The following AKAP8 variants were observed in gnomAD, a reference collection of about 807,000 sequenced individuals.
AKAP8 encodes A-kinase anchoring protein 8, also known as A-kinase anchor protein 8.
AKAP8 carries 24 observed loss-of-function variants against 67.5 expected under a neutral mutation model. The observed-to-expected ratio is 0.36, with a 90% CI of 0.26 to 0.50. The LOEUF (loss-of-function observed/expected upper bound fraction) is 0.50, where lower values mean the gene tolerates loss of function less well. Among genes scored for constraint, AKAP8 ranks in the 20% least tolerant of loss-of-function variants. The pLI is 0.97. For synonymous variants in AKAP8, 400 were observed against 371.1 expected (o/e 1.08, Z -0.90); for missense variants, 971 against 955.9 (o/e 1.02, Z -0.21).
chr19:15,358,829 T>C, intron 13 of AKAP8, 138 bp downstream of exon 13: 1 of 767,378 alleles, frequency 1.3e-6, no homozygotes, highest in South Asian at 1.5e-5. Flanking sequence ...GTTCCTGAGC[T>C]TGATGCATTC....
At chr19:15,372,701 G>C (rs1004738682) in intron 5 of AKAP8, 150 bp downstream of exon 5, 3 of 1,170,860 alleles carry the variant, frequency 2.6e-6, no homozygotes, top group Non-Finnish European at 3.4e-6. Flanking sequence ...TGTGATGGTG[G>C]GGATGGTTGC....
At chr19:15,361,224 T>C (rs1297432918) in intron 11 of AKAP8, among the ~76,000 whole-genome samples, 3 of 151,326 alleles carry the variant, frequency 2.0e-5, no homozygotes, top group Non-Finnish European at 4.4e-5. Context: ...AAGTGCTTAA[T>C]GTCACTGATA....
At chr19:15,368,173 T>C in intron 9 of AKAP8, 62 bp downstream of exon 9, 2 of 1,594,518 alleles carry the variant, frequency 1.3e-6, no homozygotes, top group Non-Finnish European at 1.7e-6. Flanking sequence ...ACAGGTGAGC[T>C]CGGCAGCGCC....
intron 2 of AKAP8, 130 bp downstream of exon 2, chr19:15,376,846 T>A (rs1018234477): frequency 1.4e-5 from 14 of 1,022,012 alleles, no homozygotes; most frequent in Non-Finnish European, 1.5e-6. Flanking sequence ...ATATTCACTA[T>A]CTGATCTTTT....
At position 15,364,922 on chromosome 19, in the gene AKAP8, G is replaced by C. The variant is rs536885535; in HGVS notation, c.1161-2671C>G. 6.4e-4 allele frequency among the ~76,000 whole-genome samples: 97 copies of C among 152,340 alleles called. 1 individual carries two copies. In the South Asian group the frequency reaches 0.019, roughly 30 times the overall value. On this transcript the variant is annotated intron_variant, in intron 9 of 13. Coordinates refer to ENST00000269701, the MANE Select transcript of AKAP8 (RefSeq NM_005858.4). Reference sequence around the variant, plus strand: ...GTGCATGCCACCGCACTCAGCCAGGGAAAGTGGCTGCTGAACCAAGAGTTC... The same window carrying C: ...GTGCATGCCACCGCACTCAGCCAGGCAAAGTGGCTGCTGAACCAAGAGTTC...
Position 15,373,919 on chromosome 19 carries a change from A to G in AKAP8, c.238T>C (p.Tyr80His). ...TTGTCGGTGCATGGCTCTGGGCCGT[A>G]AGAGGCCATGTGCATGGCAGGGGCC... ...AGAPAMHMAS[Y>H]GPEPCTDNSD... Residue 80 changes from tyrosine to histidine, a missense_variant, in exon 4 of 14, where the codon TAC becomes CAC. Coordinates refer to ENST00000269701, the MANE Select transcript of AKAP8 (RefSeq NM_005858.4). 1 of 1,613,866 alleles carries G rather than the reference A, an allele frequency of 6.2e-7. No individual in the cohort carries two copies. Among genetic ancestry groups the G allele is most frequent in the Non-Finnish European group, 8.5e-7 (1 of 1,179,948 alleles).
intron 1 of AKAP8, 60 bp from the exon 2 acceptor site, chr19:15,377,074 G>C: frequency 6.4e-7 from 1 of 1,572,346 alleles, no homozygotes; most frequent in Non-Finnish European, 8.7e-7. Flanking sequence ...GGGTCCTTTT[G>C]GGGGTACTCC....
intron 9 of AKAP8, 118 bp from the exon 10 acceptor site, chr19:15,362,369 C>T: frequency 2.1e-6 from 2 of 946,790 alleles, no homozygotes; most frequent in Non-Finnish European, 3.1e-6. Context: ...CTCTCCCCCT[C>T]CCCCTCTCCC....
intron 9 of AKAP8, among the ~76,000 whole-genome samples, chr19:15,364,541 T>C (rs1374445944): frequency 1.3e-5 from 2 of 152,052 alleles, no homozygotes; most frequent in Non-Finnish European, 2.9e-5. Context: ...AGTAGAGACG[T>C]GGTTTCACCA....
rs1416442875 is a variant in AKAP8 at position 15,364,117 on chromosome 19, A to AAAAAAAG, written c.1161-1867_1161-1866insCTTTTTT. On this transcript the variant is annotated intron_variant, in intron 9 of 13. Transcript: ENST00000269701. ...ATAAATTGGCAGTGGGCAAAAAAAA[A>AAAAAAAG]AAAAAAAAGAAACAGGATTTTCAGT... Among the ~76,000 whole-genome samples, 40 of 144,512 alleles carry AAAAAAAG rather than the reference A, an allele frequency of 2.8e-4. 3 individuals are homozygous for AAAAAAAG. The highest frequency in any genetic ancestry group is 3.6e-3 in the Middle Eastern group (1 of 278). The allele number at this position is 144,512 out of a possible 152,430, so 94.8% of individuals were successfully genotyped here. A position where few individuals can be genotyped will look rare whatever the true frequency, so the allele number is the denominator to read the frequency against.
intron 8 of AKAP8, chr19:15,368,593 A>G (rs1004518665): frequency 3.0e-6 from 3 of 985,014 alleles, no homozygotes; most frequent in Admixed American, 6.2e-5. Flanking sequence ...CCCCATGTGC[A>G]CCACAGCCCC....
Position 15,371,940 on chromosome 19 carries a change from T to C in AKAP8, c.1038+12A>G. 3.1e-6 allele frequency: 5 copies of C among 1,613,934 alleles called. No homozygotes were observed. The highest frequency in any genetic ancestry group is 4.2e-6 in the Non-Finnish European group (5 of 1,179,944). ...CCACACTAGAGGCAAAAGGGCTGCC[T>C]GGTGGACTTACACCCTTGAATTCTT... On this transcript the variant is annotated intron_variant, in intron 7 of 13. Coordinates refer to ENST00000269701, the MANE Select transcript of AKAP8 (RefSeq NM_005858.4).
chr19:15,361,849 G>A (rs1288649061), intron 10 of AKAP8, 27 bp from the exon 11 acceptor site: 5 of 1,594,502 alleles, frequency 3.1e-6, no homozygotes, highest in Non-Finnish European at 2.6e-6. Flanking sequence ...AGGGCATAAA[G>A]TAAAATGAGA....
chr19:15,363,609 G>T (rs1159138519), intron 9 of AKAP8, among the ~76,000 whole-genome samples: 1 of 151,478 alleles, frequency 6.6e-6, no homozygotes. Flanking sequence ...CGCCCCTACT[G>T]GGAAGTGAGG....
At chr19:15,379,523 G>A (rs1364973902) in intron 1 of AKAP8, 190 bp downstream of exon 1, 4 of 555,462 alleles carry the variant, frequency 7.2e-6, no homozygotes, top group Admixed American at 8.8e-5. Flanking sequence ...CAATCCGCAC[G>A]CAGAGCCCCG....
At position 15,379,738 on chromosome 19, in the gene AKAP8, G is replaced by A. The variant is rs1967342766; in HGVS notation, c.-7C>T. The A allele has an allele frequency of 1.2e-6, 2 of 1,611,432 alleles. No individual in the cohort carries two copies. The highest frequency in any genetic ancestry group is 1.7e-6 in the Non-Finnish European group (2 of 1,179,066). On this transcript the variant is annotated 5_prime_UTR_variant, in exon 1 of 14. Transcript: ENST00000269701. ...CTCCGTAGCCCTGGTCCATGTCTTC[G>A]ACGCGGCCCACCAGCAGCCCCGTTT...
intron 1 of AKAP8, among the ~76,000 whole-genome samples, chr19:15,378,499 G>C (rs560652657): frequency 6.6e-6 from 1 of 152,186 alleles, no homozygotes; most frequent in Non-Finnish European, 1.5e-5. Flanking sequence ...CTGCAGAAAA[G>C]ATCTGATGGG....
At chr19:15,365,497 G>A (rs1318533869) in intron 9 of AKAP8, among the ~76,000 whole-genome samples, 2 of 152,160 alleles carry the variant, frequency 1.3e-5, no homozygotes, top group Admixed American at 6.5e-5. Flanking sequence ...GTGTAGGGGT[G>A]CAGGCCCTGT....
Position 15,373,212 on chromosome 19 carries a change from C to T in AKAP8, c.500G>A (p.Gly167Glu), listed in dbSNP as rs148526102. 6.9e-3 allele frequency: 11,064 copies of T among 1,613,924 alleles called. 56 individuals are homozygous for T. The highest frequency in any genetic ancestry group is 7.4e-3 in the Non-Finnish European group (8,719 of 1,180,020). The change falls in exon 5 of 14, where the codon GGG becomes GAG. Residue 167 changes from glycine to glutamate, a missense_variant. Gly to Glu is a moderately conservative substitution (Grantham distance 98). Transcript: ENST00000269701. ...DLGSDRNGSF[G>E]GQYSECRDPA... is the part of the protein sequence containing the mutation. ...GTCTCGGCATTCACTGTACTGCCCC[C>T]CAAAGCTGCCATTGCGGTCGGACCC...
Sources: allele counts gnomAD v4.1 joint callset (sites outside exome capture counted in the v4.1 genomes callset), GRCh38; gene constraint gnomAD v4.1.1; transcripts MANE v1.5; gene names NCBI Gene and HGNC (gene_info 2026-07-23, HGNC 2026-07-21).